Variants in CHP2 observed in about 807,000 individuals in gnomAD.
The protein encoded by CHP2 is calcineurin like EF-hand protein 2, also known as calcineurin B homologous protein 2.
CHP2 carries 31 observed loss-of-function variants against 24.7 expected under a neutral mutation model. The observed-to-expected ratio is 1.26, with a 90% CI of 0.94 to 1.69. The LOEUF (loss-of-function observed/expected upper bound fraction) is 1.69. CHP2 is among the 40% of genes most tolerant of loss of function. The pLI, the probability that CHP2 is intolerant of heterozygous loss-of-function variation, is 0.00. For synonymous variants in CHP2, 97 were observed against 99.1 expected (o/e 0.98, Z 0.13); for missense variants, 319 against 261.5 (o/e 1.22, Z -1.52).
chr16:23,755,634 A>C (rs566587051), intron 1 of CHP2, 27 bp from the exon 2 acceptor site: 49 of 1,605,392 alleles, frequency 3.1e-5, no homozygotes, highest in East Asian at 2.0e-4. Context: ...AGAGTCACAC[A>C]CCCCCACCCC....
Position 23,757,251 on chromosome 16 carries a change from C to T in CHP2, c.465C>T (p.Asn155=). 1.2e-6 allele frequency: 2 copies of T among 1,613,996 alleles called. No homozygotes were observed. The highest frequency in any genetic ancestry group is 1.7e-6 in the Non-Finnish European group (2 of 1,179,966). Residue 155 remains asparagine, a synonymous_variant, in exon 6 of 7, where the codon AAC becomes AAT. Coordinates refer to ENST00000300113, the MANE Select transcript of CHP2 (RefSeq NM_022097.4). ...GVQVTEEQLE[N]IADRTVQEAD... ...AGGTGACAGAAGAGCAGCTGGAGAA[C>T]ATCGCTGACCGCACGGTGCAGGAGG...
intron 6 of CHP2, 77 bp downstream of exon 6, chr16:23,757,400 G>C: frequency 2.5e-6 from 4 of 1,592,132 alleles, no homozygotes; most frequent in Non-Finnish European, 2.6e-6. Flanking sequence ...GTTCAACGGA[G>C]GAGGGCGGAA....
rs772112827 is a variant in CHP2, at chr16:23,757,252, A to C, written c.466A>C (p.Ile156Leu). 1 of 1,614,084 alleles carries C rather than the reference A, an allele frequency of 6.2e-7. No homozygotes were observed. Among genetic ancestry groups the C allele is most frequent in the Non-Finnish European group, 8.5e-7 (1 of 1,179,996 alleles). Residue 156 changes from isoleucine to leucine, a missense_variant, in exon 6 of 7, where the codon ATC (isoleucine) becomes CTC (leucine). By Grantham distance (5) the Ile-to-Leu change is conservative. Transcript: ENST00000300113. The part of the protein sequence containing the change: ...VQVTEEQLEN[I>L]ADRTVQEADE... ...GGTGACAGAAGAGCAGCTGGAGAACATCGCTGACCGCACGGTGCAGGAGGC... is the reference window on the plus strand; with the variant it reads ...GGTGACAGAAGAGCAGCTGGAGAACCTCGCTGACCGCACGGTGCAGGAGGC...
Position 23,757,722 on chromosome 16 carries a change from C to G in CHP2, c.*139C>G. The G allele has an allele frequency of 1.2e-6, 1 of 818,278 alleles. No individual in the cohort carries two copies. The highest frequency in any genetic ancestry group is 2.5e-5 in the East Asian group (1 of 40,418). 50.7% of individuals were successfully genotyped at this position (818,278 alleles called of 1,614,324 possible). A position where few individuals can be genotyped will look rare whatever the true frequency, so the allele number is the denominator to read the frequency against. On this transcript the variant is annotated 3_prime_UTR_variant, in exon 7 of 7. Coordinates refer to ENST00000300113, the MANE Select transcript of CHP2 (RefSeq NM_022097.4). ...TCTATTTAGGGCCAAGAGAAGAAAG[C>G]TGGAAGGATGTGTACTAAAGTCTAG...
chr16:23,755,791 CTT>C, intron 2 of CHP2, 54 bp from the exon 3 acceptor site: 1 of 1,613,578 alleles, frequency 6.2e-7, no homozygotes, highest in Non-Finnish European at 8.5e-7. Context: ...CCATGTCCCT[CTT>C]TGACCCTCCG....
Position 23,758,000 on chromosome 16 carries a change from A to G in CHP2, c.*417A>G. 3.2e-6 allele frequency: 1 copy of G among 310,200 alleles called. No individual in the cohort carries two copies. Among genetic ancestry groups the G allele is most frequent in the South Asian group, 3.3e-5 (1 of 30,056 alleles). The allele number at this position is 310,200 out of a possible 1,614,324, so 19.2% of individuals were successfully genotyped here. A position where few individuals can be genotyped will look rare whatever the true frequency, so the allele number is the denominator to read the frequency against. On this transcript the variant is annotated 3_prime_UTR_variant, in exon 7 of 7. Transcript: ENST00000300113. ...GGGAGACAGTGACAGATCATCAGGC[A>G]TTAGATTCTCATAAGGAGTGCACAA...
rs1275973336 is a variant in CHP2, at chr16:23,757,940, T to C, written c.*357T>C. On this transcript the variant is annotated 3_prime_UTR_variant, in exon 7 of 7. Coordinates refer to ENST00000300113, the MANE Select transcript of CHP2 (RefSeq NM_022097.4). ...GAATCAGCAGGAGCCCTGAGCTTGT[T>C]TTCCTGCAATTAGACGGTCCCATAT... 5.4e-6 allele frequency: 2 copies of C among 368,658 alleles called. No individual in the cohort carries two copies. The highest frequency in any genetic ancestry group is 2.1e-5 in the African/African-American group (1 of 47,430). 22.8% of individuals were successfully genotyped at this position (368,658 alleles called of 1,614,324 possible). A position where few individuals can be genotyped will look rare whatever the true frequency, so the allele number is the denominator to read the frequency against.
chr16:23,756,029 C>A, intron 3 of CHP2, 34 bp from the exon 4 acceptor site: 1 of 1,613,600 alleles, frequency 6.2e-7, no homozygotes, highest in Non-Finnish European at 8.5e-7. Context: ...CCAAGGTGAC[C>A]ACCACCTCTT....
chr16:23,756,032 C>T (rs1244600893), intron 3 of CHP2, 31 bp from the exon 4 acceptor site: 6 of 1,613,712 alleles, frequency 3.7e-6, no homozygotes, highest in African/African-American at 1.3e-5. Context: ...AGGTGACCAC[C>T]ACCTCTTTCC....
rs763981383 is a variant in CHP2, at chr16:23,758,824, A to T, written c.*1241A>T. On this transcript the variant is annotated 3_prime_UTR_variant, in exon 7 of 7. Coordinates refer to ENST00000300113, the MANE Select transcript of CHP2 (RefSeq NM_022097.4). ...GCCCATTACTGTGAGGGACCCTTGAAGTCTGGACTCTTAAATGGGTTTTTG... is the reference window on the plus strand; with the variant it reads ...GCCCATTACTGTGAGGGACCCTTGATGTCTGGACTCTTAAATGGGTTTTTG... 3 of 152,284 alleles carry T rather than the reference A, an allele frequency of 2.0e-5. No homozygotes were observed. Among genetic ancestry groups the T allele is most frequent in the Non-Finnish European group, 4.4e-5 (3 of 68,084 alleles). 9.4% of individuals were successfully genotyped at this position (152,284 alleles called of 1,614,324 possible).
chr16:23,757,081 A>G (rs748129127), intron 5 of CHP2, 120 bp from the exon 6 acceptor site: 103 of 1,191,184 alleles, frequency 8.6e-5, no homozygotes, highest in Non-Finnish European at 1.2e-4. Flanking sequence ...TGAAAAATGG[A>G]TGAAGGATGG....
chr16:23,756,348 G>A, intron 4 of CHP2, 40 bp from the exon 5 acceptor site: 3 of 1,601,534 alleles, frequency 1.9e-6, no homozygotes, highest in Non-Finnish European at 2.6e-6. Context: ...GAGAGCCAGG[G>A]AAGACCTACC....
In CHP2 at chr16:23,756,026, G is replaced by C. The variant is rs1020930791; in HGVS notation, c.222-37G>C. The C allele has an allele frequency of 1.9e-6, 3 of 1,613,666 alleles. No individual in the cohort carries two copies. In the African/African-American group the frequency reaches 4.0e-5, roughly 22 times the overall value. ...ACGGAGGCAAAGTGATGGCCAAGGT[G>C]ACCACCACCTCTTTCCATTCTGTCC... is the stretch of plus-strand genomic sequence containing the variant. On this transcript the variant is annotated intron_variant, in intron 3 of 6. Coordinates refer to ENST00000300113, the MANE Select transcript of CHP2 (RefSeq NM_022097.4).
chr16:23,757,150 T>A, intron 5 of CHP2, 51 bp from the exon 6 acceptor site: 3 of 1,610,430 alleles, frequency 1.9e-6, no homozygotes, highest in Non-Finnish European at 2.5e-6. Flanking sequence ...AGATGGGGAG[T>A]TGCAGCCTTC....
chr16:23,756,313 G>T (rs1345091372), intron 4 of CHP2, 75 bp from the exon 5 acceptor site: 6 of 1,587,020 alleles, frequency 3.8e-6, no homozygotes, highest in Admixed American at 1.7e-5. Flanking sequence ...CTCCAAGGTG[G>T]GGGGAAGGAA....
chr16:23,756,366 C>T, intron 4 of CHP2, 22 bp from the exon 5 acceptor site: 1 of 1,607,112 alleles, frequency 6.2e-7, no homozygotes. Flanking sequence ...ACCTTCCTTT[C>T]CCCCTCCCAC....
At chr16:23,756,528 G>C in intron 5 of CHP2, 79 bp downstream of exon 5, 4 of 1,233,734 alleles carry the variant, frequency 3.2e-6, no homozygotes, top group Non-Finnish European at 4.7e-6. Context: ...AGATGGGGTG[G>C]GATGATTGGG....
rs1427805953 is a variant in CHP2 at position 23,756,451 on chromosome 16, T to C, written c.414+2T>C. The C allele has an allele frequency of 5.0e-6, 8 of 1,613,260 alleles. No homozygotes were observed. The Admixed American group carries it at 5.0e-5, about 10-fold the overall frequency. On this transcript the variant is annotated splice_donor_variant, in intron 5 of 6. Coordinates refer to ENST00000300113, the MANE Select transcript of CHP2 (RefSeq NM_022097.4). LOFTEE classifies it high-confidence loss of function. ...ATCTCCAGGCATGAGATGCTGCAGGTTGGCAGAAAGCGAGAGCAAGAGATG... is the reference window on the plus strand; with the variant it reads ...ATCTCCAGGCATGAGATGCTGCAGGCTGGCAGAAAGCGAGAGCAAGAGATG...
At chr16:23,756,225 T>A in intron 4 of CHP2, 32 bp downstream of exon 4, 1 of 1,612,882 alleles carries the variant, frequency 6.2e-7, no homozygotes, top group Non-Finnish European at 8.5e-7. Flanking sequence ...CAAGTGAGAA[T>A]GCAGATGTAC....
Sources: allele counts gnomAD v4.1 joint callset, GRCh38; gene constraint gnomAD v4.1.1; transcripts MANE v1.5; gene names NCBI Gene and HGNC (gene_info 2026-07-23, HGNC 2026-07-21).